Variants in CDIN1 observed in about 807,000 individuals in gnomAD.
The protein encoded by CDIN1 is CDAN1-interacting nuclease 1.
Under a neutral mutation model 45.3 loss-of-function variants are expected in CDIN1, and 33 were observed. The ratio of observed to expected loss-of-function variants is 0.73; its 90% CI spans 0.55 to 0.97. The LOEUF (loss-of-function observed/expected upper bound fraction) is 0.97, where lower values mean the gene tolerates loss of function less well. Among genes scored for constraint, CDIN1 ranks in the 50% least tolerant of loss-of-function variants. CDIN1 has a pLI of 0.00. For missense variants in CDIN1, 303 were observed against 339.4 expected (o/e 0.89, Z 0.84); for synonymous variants, 118 against 124.4 (o/e 0.95, Z 0.34).
chr15:36,618,082 A>G (rs960158843), intron 1 of CDIN1: 1 of 742,508 alleles, frequency 1.3e-6, no homozygotes, highest in South Asian at 1.4e-5. Context: ...CAAATCCTAC[A>G]CCTTACTTTG....
At chr15:36,593,085 T>C (rs1430329016) in intron 1 of CDIN1, among the ~76,000 whole-genome samples, 2 of 152,172 alleles carry the variant, frequency 1.3e-5, no homozygotes, top group Admixed American at 6.5e-5. Flanking sequence ...AGATAATACA[T>C]ATAAAATGAT....
intron 10 of CDIN1, among the ~76,000 whole-genome samples, chr15:36,737,167 C>CAAAA (rs965614774): frequency 1.1e-4 from 11 of 98,510 alleles, no homozygotes; most frequent in African/African-American, 3.3e-4. Context: ...GACCCGGTCT[C>CAAAA]AAAAAAAAAA....
rs964804644 is a variant in CDIN1, at chr15:36,672,401, G to A, written c.346+14496G>A. Among the ~76,000 whole-genome samples the A allele has an allele frequency of 1.4e-4, 22 of 152,032 alleles. 1 individual carries two copies. In the South Asian group the frequency reaches 2.5e-3, roughly 17 times the overall value. Reference sequence around the variant, plus strand: ...CTCTGTGTGCCAGGTACTATTACAGGCTCTTGGGAGATCTCAGGAAAGCCA... The same window carrying A: ...CTCTGTGTGCCAGGTACTATTACAGACTCTTGGGAGATCTCAGGAAAGCCA... On this transcript the variant is annotated intron_variant, in intron 5 of 10. Coordinates refer to ENST00000566621, the MANE Select transcript of CDIN1 (RefSeq NM_001321759.2).
chr15:36,631,996 A>G (rs930013540), intron 1 of CDIN1, among the ~76,000 whole-genome samples: 1 of 151,962 alleles, frequency 6.6e-6, no homozygotes, highest in African/African-American at 2.4e-5. Flanking sequence ...ACGCCCAGCT[A>G]GCTTTTTAAG....
At chr15:36,650,832 G>A (rs2040546108) in intron 3 of CDIN1, among the ~76,000 whole-genome samples, 1 of 152,138 alleles carries the variant, frequency 6.6e-6, no homozygotes, top group South Asian at 2.1e-4. Flanking sequence ...GGAGGCAGAG[G>A]CAAGCGGATC....
At chr15:36,616,528 C>T (rs572495048) in intron 1 of CDIN1, among the ~76,000 whole-genome samples, 62 of 152,142 alleles carry the variant, frequency 4.1e-4, no homozygotes, top group South Asian at 3.3e-3. Flanking sequence ...GTGATCCACC[C>T]GCCTTGGCTT....
chr15:36,666,143 T>C (rs2041240234), intron 5 of CDIN1, among the ~76,000 whole-genome samples: 1 of 152,094 alleles, frequency 6.6e-6, no homozygotes, highest in Non-Finnish European at 1.5e-5. Flanking sequence ...TTTTACTTCT[T>C]TTAAAAAAAA....
intron 1 of CDIN1, among the ~76,000 whole-genome samples, chr15:36,643,390 A>G (rs1238728575): frequency 6.6e-6 from 1 of 152,340 alleles, no homozygotes; most frequent in East Asian, 1.9e-4. Context: ...ATGTATTCAC[A>G]GTATTTTGGC....
chr15:36,742,015 C>G (rs1378019306), intron 10 of CDIN1, among the ~76,000 whole-genome samples: 1 of 151,940 alleles, frequency 6.6e-6, no homozygotes, highest in Non-Finnish European at 1.5e-5. Context: ...AAATCTTAAC[C>G]ATAATATTTT....
chr15:36,659,003 G>A (rs922613644), intron 5 of CDIN1, among the ~76,000 whole-genome samples: 4 of 152,130 alleles, frequency 2.6e-5, no homozygotes, highest in Non-Finnish European at 5.9e-5. Context: ...GTATGGTTTC[G>A]ATTTAATCAA....
chr15:36,758,185 TG>T (rs1320076815), intron 10 of CDIN1, among the ~76,000 whole-genome samples: 2 of 152,094 alleles, frequency 1.3e-5, no homozygotes, highest in Non-Finnish European at 2.9e-5. Flanking sequence ...TTTCTCTGAT[TG>T]TATCAATGTG....
chr15:36,685,943 C>G (rs1428831802), intron 5 of CDIN1, among the ~76,000 whole-genome samples: 1 of 151,880 alleles, frequency 6.6e-6, no homozygotes, highest in East Asian at 1.9e-4. Flanking sequence ...GAAATAGGAA[C>G]ACTTTTACAC....
At position 36,654,094 on chromosome 15, in the gene CDIN1, C is replaced by T. The variant is rs541149145; in HGVS notation, c.213-4C>T. 3 of 1,574,682 alleles carry T rather than the reference C, an allele frequency of 1.9e-6. No individual in the cohort carries two copies. Among genetic ancestry groups the T allele is most frequent in the East Asian group, 2.3e-5 (1 of 43,522 alleles). On this transcript the variant is annotated splice_region_variant and splice_polypyrimidine_tract_variant and intron_variant, in intron 3 of 10. Transcript: ENST00000566621. ...GCATTACCACTTGGCTTTGTCTTGT[C>T]TAGGTACCTGAATGGAGTGGTGAAA... is the stretch of plus-strand genomic sequence containing the variant.
chr15:36,641,586 T>A (rs867463514), intron 1 of CDIN1: 1 of 152,224 alleles, frequency 6.6e-6, no homozygotes. Context: ...TGGTACAAAT[T>A]AAATGACTGC....
intron 10 of CDIN1, among the ~76,000 whole-genome samples, chr15:36,800,899 G>GTA (rs1467289662): frequency 7.8e-4 from 20 of 25,802 alleles, no homozygotes; most frequent in African/African-American, 2.2e-3. Flanking sequence ...GTGTGTGTGT[G>GTA]TGTGTGTGTG....
At chr15:36,682,546 G>A (rs2041887264) in intron 5 of CDIN1, among the ~76,000 whole-genome samples, 1 of 151,478 alleles carries the variant, frequency 6.6e-6, no homozygotes. Flanking sequence ...AGCTGAGGCA[G>A]GTGGATTGCT....
rs1036862601 is a variant in CDIN1, at chr15:36,628,264, G to A, written c.102-16014G>A. Among the ~76,000 whole-genome samples the A allele has an allele frequency of 2.6e-5, 4 of 151,970 alleles. 1 individual carries two copies. The highest frequency in any genetic ancestry group is 1.9e-4 in the East Asian group (1 of 5,188). On this transcript the variant is annotated intron_variant, in intron 1 of 10. Transcript: ENST00000566621. Reference sequence around the variant, plus strand: ...AAGGATCACTTATCTGCCTTCTGTCGCTCTATTTTTCCTTTTCCAGAATGC... The same window carrying A: ...AAGGATCACTTATCTGCCTTCTGTCACTCTATTTTTCCTTTTCCAGAATGC...
At chr15:36,603,235 A>G (rs2038195781) in intron 1 of CDIN1, among the ~76,000 whole-genome samples, 1 of 152,062 alleles carries the variant, frequency 6.6e-6, no homozygotes, top group Non-Finnish European at 1.5e-5. Context: ...TAGACTGACT[A>G]CTCAGAAGCT....
chr15:36,727,330 T>G (rs1212154844), intron 10 of CDIN1, among the ~76,000 whole-genome samples: 1 of 145,590 alleles, frequency 6.9e-6, no homozygotes, highest in African/African-American at 2.5e-5. Flanking sequence ...AAAGCTCATC[T>G]TTTTTCTTAA....
Sources: gnomAD v4.1 joint callset for allele counts (sites outside exome capture counted in the v4.1 genomes callset) on GRCh38, gnomAD v4.1.1 for gene constraint, MANE v1.5 for transcripts, NCBI Gene and HGNC (gene_info 2026-07-23, HGNC 2026-07-21) for gene names.